The following MYH3 variants were observed in gnomAD, a reference collection of about 807,000 sequenced individuals.
MYH3 encodes the protein myosin-3.
Under a neutral mutation model 238.0 loss-of-function variants are expected in MYH3, and 130 were observed. The ratio of observed to expected loss-of-function variants is 0.55; its 90% CI spans 0.47 to 0.63. The LOEUF (loss-of-function observed/expected upper bound fraction) is 0.63, where lower values mean the gene tolerates loss of function less well. Ranked by LOEUF, MYH3 falls within the 30% of genes least tolerant of loss-of-function variation. The pLI, the probability that MYH3 is intolerant of heterozygous loss-of-function variation, is 0.00. For missense variants in MYH3, 1,853 were observed against 2,374.9 expected (o/e 0.78, Z 4.57); for synonymous variants, 880 against 924.1 (o/e 0.95, Z 0.86).
intron 10 of MYH3, 36 bp downstream of exon 10, chr17:10,647,146 T>G (rs1303412081): frequency 6.6e-7 from 1 of 1,507,652 alleles, no homozygotes; most frequent in East Asian, 2.3e-5. Flanking sequence ...AGAGTCAAAC[T>G]ACCTAAAAGA....
At chr17:10,651,441 T>A in intron 5 of MYH3, 71 bp downstream of exon 5, 1 of 1,609,566 alleles carries the variant, frequency 6.2e-7, no homozygotes, top group Non-Finnish European at 8.5e-7. Flanking sequence ...AGCCTGGGAG[T>A]AAGGGGCAAC....
In MYH3 at chr17:10,641,266, G is replaced by A. The variant is rs1233747158; in HGVS notation, c.2047+19C>T. On this transcript the variant is annotated intron_variant, in intron 18 of 40. Transcript: ENST00000583535. Reference sequence around the variant, plus strand: ...TCTTAAAAACTGAGCACCACCTAGCGAGCCAGCAGGTGTCTCACCTGGAGT... The same window carrying A: ...TCTTAAAAACTGAGCACCACCTAGCAAGCCAGCAGGTGTCTCACCTGGAGT... The A allele has an allele frequency of 8.1e-6, 13 of 1,609,282 alleles. No homozygotes were observed. The highest frequency in any genetic ancestry group is 1.3e-5 in the African/African-American group (1 of 74,766).
Position 10,652,534 on chromosome 17 carries a change from G to A in MYH3, c.234C>T (p.Tyr78=), listed in dbSNP as rs761786317. Reference sequence around the variant, plus strand: ...TGTCGAACTTGGGGGGGTTCATGGCGTACACATCCTCTGGTTTGACCACCA... The same window carrying A: ...TGTCGAACTTGGGGGGGTTCATGGCATACACATCCTCTGGTTTGACCACCA... The part of the protein sequence containing the change: ...RTLVVKPEDV[Y]AMNPPKFDRI... Residue 78 remains tyrosine (Y), a synonymous_variant, in exon 4 of 41, where the codon TAC becomes TAT. Coordinates refer to ENST00000583535, the MANE Select transcript of MYH3 (RefSeq NM_002470.4). 2.5e-5 allele frequency: 40 copies of A among 1,611,956 alleles called. 1 individual carries two copies. Among genetic ancestry groups the A allele is most frequent in the South Asian group, 9.9e-5 (9 of 91,066 alleles).
In MYH3 at chr17:10,632,751, G is replaced by C. The variant is rs777408896; in HGVS notation, c.4681C>G (p.Arg1561Gly). 2.5e-6 allele frequency: 4 copies of C among 1,614,114 alleles called. No individual in the cohort carries two copies. The highest frequency in any genetic ancestry group is 3.4e-6 in the Non-Finnish European group (4 of 1,180,034). ...ALEHEEAKIL[R>G]IQLELTQVKS... is the part of the protein sequence containing the mutation. Reference sequence around the variant, plus strand: ...ACTTGTGTCAATTCAAGCTGGATTCGGAGGATCTTGGCTTCTTCATGCTCA... The same window carrying C: ...ACTTGTGTCAATTCAAGCTGGATTCCGAGGATCTTGGCTTCTTCATGCTCA... The change falls in exon 34 of 41, where the codon CGA (arginine) becomes GGA (glycine). Residue 1561 changes from arginine to glycine, a missense_variant. By Grantham distance (125) the Arg-to-Gly change is moderately radical. This residue lies in a region of MYH3 where 1,044 missense variants were observed against 1,192.6 expected (regional missense o/e 0.88). Coordinates refer to ENST00000583535, the MANE Select transcript of MYH3 (RefSeq NM_002470.4).
intron 26 of MYH3, 86 bp from the exon 27 acceptor site, chr17:10,638,518 T>TTAGACAAAC: frequency 6.5e-7 from 1 of 1,548,518 alleles, no homozygotes; most frequent in Middle Eastern, 1.9e-4. Flanking sequence ...TCCCTTCCCA[T>TTAGACAAAC]TAGACAAACT....
In MYH3 at chr17:10,648,580, TCA is replaced by T; in HGVS notation, c.710_711del (p.Val237GlufsTer3). The T allele has an allele frequency of 6.2e-7, 1 of 1,614,138 alleles. No homozygotes were observed. The highest frequency in any genetic ancestry group is 8.5e-7 in the Non-Finnish European group (1 of 1,179,972). ...ACAAAACGGGAGGAGTTGTCATTCCTCACAGTCTTGGCGTTCCCAAAGGCCTC... is the reference window on the plus strand; with the variant it reads ...ACAAAACGGGAGGAGTTGTCATTCCTCAGTCTTGGCGTTCCCAAAGGCCTC... ...LLEAFGNAKT[V>X]RNDNSSRFGK... On this transcript the variant is annotated frameshift_variant, in exon 8 of 41. Coordinates refer to ENST00000583535, the MANE Select transcript of MYH3 (RefSeq NM_002470.4). LOFTEE classifies it high-confidence loss of function.
At chr17:10,633,746 A>C in intron 32 of MYH3, 31 bp from the exon 33 acceptor site, 2 of 1,613,210 alleles carry the variant, frequency 1.2e-6, no homozygotes, top group African/African-American at 2.7e-5. Flanking sequence ...GTTGCATATG[A>C]GCGCCTCTGC....
chr17:10,658,150 G>T (rs780527529), upstream of MYH3, among the ~76,000 whole-genome samples: 1 of 152,104 alleles, frequency 6.6e-6, no homozygotes, highest in African/African-American at 2.4e-5. Context: ...GGCGGACAAG[G>T]GGGGGCTGTC....
At chr17:10,671,419 C>T in the MYH3 span, among the ~76,000 whole-genome samples, 4 of 152,082 alleles carry the variant, frequency 2.6e-5, no homozygotes, top group African/African-American at 7.2e-5. Context: ...ATGTGAGAGT[C>T]CATTTTACCC....
Position 10,639,760 on chromosome 17 carries a change from G to A in MYH3, c.2725C>T (p.Leu909=). The A allele has an allele frequency of 6.2e-7, 1 of 1,613,590 alleles. No homozygotes were observed. Among genetic ancestry groups the A allele is most frequent in the Non-Finnish European group, 8.5e-7 (1 of 1,179,942 alleles). ...TCGAGCTGGAATTTGGCTTTGATCA[G>A]CTGATCGCATCTTTCCTCAGCATCC... The part of the protein sequence containing the change: ...LLDAEERCDQ[L]IKAKFQLEAK... The change falls in exon 23 of 41, where the codon CTG becomes TTG. Residue 909 remains leucine, a synonymous_variant. Transcript: ENST00000583535.
intron 1 of MYH3, among the ~76,000 whole-genome samples, 177 bp downstream of exon 1, chr17:10,657,112 G>A (rs2074440396): frequency 6.6e-6 from 1 of 151,726 alleles, no homozygotes; most frequent in Non-Finnish European, 1.5e-5. Context: ...CTGGGTGTTT[G>A]GGCCCAGGGA....
chr17:10,631,904 C>T lies in MYH3; in HGVS notation c.5069G>A (p.Arg1690Gln), dbSNP rs774366569. The change falls in exon 35 of 41, where the codon CGG (arginine) becomes CAG (glutamine). Residue 1690 changes from arginine (R) to glutamine (Q), a missense_variant. By Grantham distance (43) the Arg-to-Gln change is conservative (BLOSUM62 1). This residue lies in a region of MYH3 where 1,044 missense variants were observed against 1,192.6 expected (regional missense o/e 0.88). Coordinates refer to ENST00000583535, the MANE Select transcript of MYH3 (RefSeq NM_002470.4). Reference protein sequence around the residue: ...NLLQAEVEELRATLEQTERAR... With the variant: ...NLLQAEVEELQATLEQTERAR... ...CCTCTCCGTCTGCTCCAGAGTAGCC[C>T]GCAGCTCCTCCACCTCGGCCTGCAG... 38 of 1,614,058 alleles carry T rather than the reference C, an allele frequency of 2.4e-5. No individual in the cohort carries two copies. The highest frequency in any genetic ancestry group is 3.3e-5 in the South Asian group (3 of 91,082).
chr17:10,669,983 C>A, the MYH3 span, among the ~76,000 whole-genome samples: 2 of 152,146 alleles, frequency 1.3e-5, no homozygotes, highest in African/African-American at 4.8e-5. Context: ...ATTTAAGGCA[C>A]AAGAGAGATT....
chr17:10,628,680 C>G lies in MYH3; in HGVS notation c.5797-1G>C. On this transcript the variant is annotated splice_acceptor_variant, in intron 40 of 40. Transcript: ENST00000583535. LOFTEE classifies it high-confidence loss of function. ...ACTCTTCACTCTCGTGGACCACCAT[C>G]TAGGAAGAAAGTAGGCACCTGGAGT... 1 of 1,614,206 alleles carries G rather than the reference C, an allele frequency of 6.2e-7. No individual in the cohort carries two copies. The highest frequency in any genetic ancestry group is 8.5e-7 in the Non-Finnish European group (1 of 1,180,018).
intron 40 of MYH3, among the ~76,000 whole-genome samples, chr17:10,628,985 A>G (rs955828237): frequency 1.3e-5 from 2 of 152,140 alleles, no homozygotes; most frequent in African/African-American, 4.8e-5. Context: ...CGCATGAAAG[A>G]GCTCAGTGGG....
chr17:10,675,466 T>A, the MYH3 span: 1 of 152,236 alleles, frequency 6.6e-6, no homozygotes, highest in African/African-American at 2.4e-5. Flanking sequence ...TACTTTTCTT[T>A]TGGAGTTATA....
rs1258968698 is a variant in MYH3, at chr17:10,633,493, C to A, written c.4647+98G>T. The A allele has an allele frequency of 7.7e-6, 12 of 1,552,022 alleles. No individual in the cohort carries two copies. In the Admixed American group the frequency reaches 1.3e-4, roughly 17 times the overall value. ...AGCAGGCATTAGGACTGTGATTTGACAAAGGCAAAAATGGAGACACAGCAT... is the reference window on the plus strand; with the variant it reads ...AGCAGGCATTAGGACTGTGATTTGAAAAAGGCAAAAATGGAGACACAGCAT... On this transcript the variant is annotated intron_variant, in intron 33 of 40. Transcript: ENST00000583535.
the MYH3 span, among the ~76,000 whole-genome samples, chr17:10,671,262 A>T: frequency 2.6e-5 from 4 of 152,082 alleles, no homozygotes; most frequent in African/African-American, 9.7e-5. Flanking sequence ...TATTTCCATG[A>T]TTATTACAAA....
chr17:10,646,542 A>G (rs992178559), intron 10 of MYH3, among the ~76,000 whole-genome samples: 6 of 152,124 alleles, frequency 3.9e-5, no homozygotes, highest in African/African-American at 1.4e-4. Context: ...CGTGGGCTTG[A>G]TTATTCTGTT....
Sources: allele counts gnomAD v4.1 joint callset (sites outside exome capture counted in the v4.1 genomes callset), GRCh38; gene constraint gnomAD v4.1.1; regional missense constraint gnomAD v4.1.1; transcripts MANE v1.5; gene names NCBI Gene and HGNC (gene_info 2026-07-23, HGNC 2026-07-21).